Variants in ZBTB25 observed in about 807,000 individuals in gnomAD.
ZBTB25 encodes the protein zinc finger and BTB domain containing 25.
A neutral mutation model predicts 34.2 loss-of-function variants in ZBTB25; 20 were observed. The ratio of observed to expected loss-of-function variants is 0.58; its 90% CI spans 0.41 to 0.85. The LOEUF (loss-of-function observed/expected upper bound fraction) is 0.85. Ranked by LOEUF, ZBTB25 falls within the 40% of genes least tolerant of loss-of-function variation. ZBTB25 has a pLI of 0.00. For synonymous variants in ZBTB25, 175 were observed against 186.4 expected (o/e 0.94, Z 0.50); for missense variants, 437 against 521.8 (o/e 0.84, Z 1.58).
intron 2 of ZBTB25, among the ~76,000 whole-genome samples, chr14:64,453,046 G>A (rs1373013756): frequency 4.0e-5 from 6 of 151,764 alleles, no homozygotes; most frequent in Non-Finnish European, 5.9e-5. Flanking sequence ...TTTTATTTAT[G>A]AAGAAATAAT....
chr14:64,466,206 T>C (rs180796054), intron 2 of ZBTB25, among the ~76,000 whole-genome samples: 8 of 152,366 alleles, frequency 5.3e-5, no homozygotes, highest in Admixed American at 5.2e-4. Context: ...TAAGATTTCC[T>C]GAGGCGATAA....
rs745930738 is a variant in ZBTB25 at position 64,480,322 on chromosome 14, CAAAAAAAAAAA to C, written c.*6590_*6600del. The C allele has an allele frequency of 5.0e-5, 10 of 201,868 alleles. No individual in the cohort carries two copies. The highest frequency in any genetic ancestry group is 2.0e-4 in the East Asian group (1 of 5,122). 12.5% of individuals were successfully genotyped at this position (201,868 alleles called of 1,614,324 possible). ...TGGGCAACAGAGCAAGACTCCATCTCAAAAAAAAAAAAAAAAAAAAAAAAGAAGAAGCAAAG... is the reference window on the plus strand; with the variant it reads ...TGGGCAACAGAGCAAGACTCCATCTCAAAAAAAAAAAAAGAAGAAGCAAAG... On this transcript the variant is annotated 3_prime_UTR_variant, in exon 3 of 3. Transcript: ENST00000608382.
chr14:64,463,159 CT>C (rs918964486), intron 2 of ZBTB25: 6 of 151,678 alleles, frequency 4.0e-5, no homozygotes, highest in Non-Finnish European at 7.4e-5. Flanking sequence ...CTTAAACAGC[CT>C]TCGTTGTCAC....
At position 64,449,468 on chromosome 14, in the gene ZBTB25, A is replaced by T. The variant is rs1371878284; in HGVS notation, c.*83T>A. On this transcript the variant is annotated 3_prime_UTR_variant, in exon 3 of 3. Transcript: ENST00000555220. Reference sequence around the variant, plus strand: ...AGGACGGATACAGAGTCTGAGCTGGACCTCATCAGCCGCCTTTCCAGAGAA... The same window carrying T: ...AGGACGGATACAGAGTCTGAGCTGGTCCTCATCAGCCGCCTTTCCAGAGAA... The T allele has an allele frequency of 1.2e-6, 2 of 1,613,708 alleles. No individual in the cohort carries two copies.
chr14:64,456,028 T>C (rs2078467286), intron 2 of ZBTB25, among the ~76,000 whole-genome samples: 1 of 152,212 alleles, frequency 6.6e-6, no homozygotes, highest in Non-Finnish European at 1.5e-5. Flanking sequence ...TGCAGAAATA[T>C]GTGTTGTTCT....
At position 64,484,494 on chromosome 14, in the gene ZBTB25, CA is replaced by C. The variant is rs1295104509; in HGVS notation, c.*2428del. Reference sequence around the variant, plus strand: ...GTCAGGAGTTCCAGACCAGCCTGACCAAGATGGTGAAACCCTGTCTCTGCTA... The same window carrying C: ...GTCAGGAGTTCCAGACCAGCCTGACCAGATGGTGAAACCCTGTCTCTGCTA... On this transcript the variant is annotated 3_prime_UTR_variant, in exon 3 of 3. Coordinates refer to ENST00000608382, the MANE Select transcript of ZBTB25 (RefSeq NM_006977.5). 6.6e-6 allele frequency: 1 copy of C among 152,276 alleles called. No individual in the cohort carries two copies. Among genetic ancestry groups the C allele is most frequent in the African/African-American group, 2.4e-5 (1 of 41,420 alleles). The allele number at this position is 152,276 out of a possible 1,614,324, so 9.4% of individuals were successfully genotyped here.
chr14:64,459,968 A>C, intron 2 of ZBTB25: 7 of 1,498,198 alleles, frequency 4.7e-6, no homozygotes, highest in Non-Finnish European at 6.3e-6. Flanking sequence ...TGTTTACTTT[A>C]GTGACGTTCC....
intron 1 of ZBTB25, chr14:64,502,663 T>C (rs1033978551): frequency 8.1e-6 from 8 of 985,314 alleles, no homozygotes; most frequent in African/African-American, 3.5e-5. Flanking sequence ...CTCCGCCGGA[T>C]ACATTCTCTA....
intron 1 of ZBTB25, among the ~76,000 whole-genome samples, chr14:64,491,244 T>C (rs956842247): frequency 6.6e-6 from 1 of 151,838 alleles, no homozygotes; most frequent in African/African-American, 2.4e-5. Context: ...GGCAGGAGGG[T>C]TGCTTGAGCC....
At chr14:64,496,518 A>G (rs889762366) in intron 1 of ZBTB25, among the ~76,000 whole-genome samples, 1 of 152,128 alleles carries the variant, frequency 6.6e-6, no homozygotes, top group East Asian at 1.9e-4. Flanking sequence ...GATTGTGAAG[A>G]GCTGTTGTTT....
In ZBTB25 at chr14:64,487,763, T is replaced by G; in HGVS notation, c.468A>C (p.Gly156=). Reference sequence around the variant, plus strand: ...GGTCACCCTGGACAGCAGCTCTGTTTCCACTGTTACTGGAAGGAGCTTCTT... The same window carrying G: ...GGTCACCCTGGACAGCAGCTCTGTTGCCACTGTTACTGGAAGGAGCTTCTT... ...EVKEAPSSNS[G]NRAAVQGDHP... Residue 156 remains glycine (G), a synonymous_variant, in exon 3 of 3, where the codon GGA becomes GGC. Transcript: ENST00000608382. 1 of 1,614,172 alleles carries G rather than the reference T, an allele frequency of 6.2e-7. No homozygotes were observed. The highest frequency in any genetic ancestry group is 8.5e-7 in the Non-Finnish European group (1 of 1,180,046).
chr14:64,505,093 G>A (rs1466591080), upstream of ZBTB25: 2 of 355,692 alleles, frequency 5.6e-6, no homozygotes, highest in Non-Finnish European at 1.0e-5. Context: ...CGAGGACCCG[G>A]TGACGGGCGG....
At chr14:64,468,802 A>G (rs559697318) in intron 2 of ZBTB25, 75 of 1,614,188 alleles carry the variant, frequency 4.6e-5, no homozygotes, top group Admixed American at 4.5e-4. Flanking sequence ...CAAGAGGGCC[A>G]AAAAGGAGTA....
intron 1 of ZBTB25, chr14:64,502,790 C>T: frequency 1.0e-6 from 1 of 962,440 alleles, no homozygotes; most frequent in Non-Finnish European, 1.2e-6. Flanking sequence ...CCAGCTACAT[C>T]ACGCTCTTCA....
chr14:64,454,294 G>A (rs549953714), intron 2 of ZBTB25, among the ~76,000 whole-genome samples: 18 of 152,044 alleles, frequency 1.2e-4, no homozygotes, highest in African/African-American at 4.1e-4. Context: ...TGTGTTTTTT[G>A]TTGAGATGGG....
At chr14:64,457,600 C>G (rs566382027) in intron 2 of ZBTB25, among the ~76,000 whole-genome samples, 1 of 152,118 alleles carries the variant, frequency 6.6e-6, no homozygotes, top group African/African-American at 2.4e-5. Flanking sequence ...GGATTACAGG[C>G]ACACGCCACC....
upstream of ZBTB25, chr14:64,504,645 G>A (rs1451668205): frequency 6.0e-6 from 2 of 330,698 alleles, no homozygotes; most frequent in Non-Finnish European, 1.1e-5. Context: ...GGGTGGGCGG[G>A]CGAGAGGGAG....
At chr14:64,456,433 C>G (rs772507346) in intron 2 of ZBTB25, among the ~76,000 whole-genome samples, 3 of 152,096 alleles carry the variant, frequency 2.0e-5, no homozygotes, top group African/African-American at 4.8e-5. Context: ...CATACATGTG[C>G]GTACACATAA....
exon 3 of ZBTB25, chr14:64,449,377 G>A (rs937180214): frequency 2.0e-5 from 32 of 1,568,634 alleles, no homozygotes; most frequent in Non-Finnish European, 2.8e-5. Flanking sequence ...AGGTTTAATG[G>A]CAAAAAGAAG....
Sources: gnomAD v4.1 joint callset for allele counts (sites outside exome capture counted in the v4.1 genomes callset) on GRCh38, gnomAD v4.1.1 for gene constraint, MANE v1.5 for transcripts, NCBI Gene and HGNC (gene_info 2026-07-23, HGNC 2026-07-21) for gene names.